The following SUMF1 variants were observed in gnomAD, a reference collection of about 807,000 sequenced individuals.
SUMF1 encodes formylglycine-generating enzyme.
Under a neutral mutation model 47.6 loss-of-function variants are expected in SUMF1, and 48 were observed. That is an observed-to-expected ratio of 1.01 (90% CI 0.80 to 1.28). The LOEUF (loss-of-function observed/expected upper bound fraction) is 1.28, where lower values mean the gene tolerates loss of function less well. Among genes scored for constraint, SUMF1 ranks in the 50% most tolerant of loss-of-function variants. The pLI, the probability that SUMF1 is intolerant of heterozygous loss-of-function variation, is 0.00. For synonymous variants in SUMF1, 230 were observed against 192.1 expected, an observed-to-expected ratio of 1.20 and a Z score of -1.63; for missense variants, 571 against 485.4, an observed-to-expected ratio of 1.18 and a Z score of -1.66.
Position 4,158,248 on chromosome 3 carries a change from T to C in SUMF1, c.1015-89503A>G, listed in dbSNP as rs1047408376. The stretch of plus-strand genomic sequence containing the variant: ...TGGAGATATAAACAAATGTTTTGTA[T>C]AGTTTCCAAAGTTCCTCTTGTTATT... On this transcript the variant is annotated intron_variant and NMD_transcript_variant, in intron 8 of 12. Coordinates refer to the SUMF1 transcript ENST00000448413. 3.3e-5 allele frequency among the ~76,000 whole-genome samples: 5 copies of C among 151,820 alleles called. No homozygotes were observed. The East Asian group carries it at 7.7e-4, about 23-fold the overall frequency.
chr3:4,456,651 T>TAC (rs1491147706), intron 1 of SUMF1, among the ~76,000 whole-genome samples: 2 of 139,104 alleles, frequency 1.4e-5, no homozygotes, highest in Non-Finnish European at 3.0e-5. Context: ...TATATATATA[T>TAC]GTGTGTGTAT....
chr3:4,264,488 T>C (rs1457872674), intron 8 of SUMF1, among the ~76,000 whole-genome samples: 1 of 152,192 alleles, frequency 6.6e-6, no homozygotes, highest in South Asian at 2.1e-4. Context: ...TTTCTGTAAT[T>C]CTCAGCATCA....
chr3:4,457,988 C>A (rs1252386678), intron 1 of SUMF1, among the ~76,000 whole-genome samples: 2 of 152,138 alleles, frequency 1.3e-5, no homozygotes, highest in Non-Finnish European at 2.9e-5. Flanking sequence ...AACCATGCAT[C>A]TTATATGGAG....
At chr3:4,214,132 A>T (rs911092854) in intron 8 of SUMF1, among the ~76,000 whole-genome samples, 2 of 152,190 alleles carry the variant, frequency 1.3e-5, no homozygotes, top group African/African-American at 4.8e-5. Flanking sequence ...CATCACACTT[A>T]TTCTAAAATT....
intron 8 of SUMF1, among the ~76,000 whole-genome samples, chr3:4,288,863 C>T (rs1697687352): frequency 6.6e-6 from 1 of 151,950 alleles, no homozygotes; most frequent in East Asian, 1.9e-4. Context: ...AATTTAATTT[C>T]TGCCCCCAAA....
At chr3:4,058,024 G>A (rs1241861321) in intron 9 of SUMF1, among the ~76,000 whole-genome samples, 1 of 152,110 alleles carries the variant, frequency 6.6e-6, no homozygotes, top group Non-Finnish European at 1.5e-5. Flanking sequence ...CTCTATGCTG[G>A]ACACTGTTGT....
At chr3:4,093,387 G>A (rs1353074046) in intron 8 of SUMF1, among the ~76,000 whole-genome samples, 1 of 152,002 alleles carries the variant, frequency 6.6e-6, no homozygotes, top group African/African-American at 2.4e-5. Context: ...AAGACCAACT[G>A]ACAAATCAAT....
intron 8 of SUMF1, among the ~76,000 whole-genome samples, chr3:4,079,057 T>C (rs1450224477): frequency 2.0e-5 from 3 of 152,138 alleles, no homozygotes; most frequent in Non-Finnish European, 4.4e-5. Context: ...TTGTCATCTG[T>C]ACCTCAGAGC....
intron 8 of SUMF1, among the ~76,000 whole-genome samples, chr3:4,237,032 A>C (rs537584139): frequency 1.3e-5 from 2 of 152,232 alleles, no homozygotes; most frequent in Admixed American, 1.3e-4. Flanking sequence ...ACTTAGAAAT[A>C]TGAGTTTAAG....
intron 8 of SUMF1, among the ~76,000 whole-genome samples, chr3:4,309,717 A>G (rs1410169835): frequency 6.6e-6 from 1 of 152,136 alleles, no homozygotes; most frequent in Non-Finnish European, 1.5e-5. Context: ...CCAGGCAAAC[A>G]CTACAGTTGA....
At chr3:4,260,807 C>T (rs1697069718) in intron 8 of SUMF1, among the ~76,000 whole-genome samples, 2 of 152,084 alleles carry the variant, frequency 1.3e-5, no homozygotes, top group Non-Finnish European at 1.5e-5. Flanking sequence ...ATTAATGCCA[C>T]ACCCAACCCT....
At chr3:4,334,105 G>T (rs1000965138) in intron 8 of SUMF1, among the ~76,000 whole-genome samples, 6 of 151,126 alleles carry the variant, frequency 4.0e-5, no homozygotes, top group Non-Finnish European at 7.4e-5. Flanking sequence ...TCTAACCTGG[G>T]CAACAAAGCA....
At chr3:4,390,986 T>A (rs1700844102) in intron 7 of SUMF1, among the ~76,000 whole-genome samples, 1 of 152,276 alleles carries the variant, frequency 6.6e-6, no homozygotes, top group East Asian at 1.9e-4. Context: ...GAACCAGGAG[T>A]CAAACCTCCT....
chr3:4,435,034 T>G (rs1702351837), intron 3 of SUMF1, among the ~76,000 whole-genome samples: 1 of 152,172 alleles, frequency 6.6e-6, no homozygotes, highest in African/African-American at 2.4e-5. Flanking sequence ...TTCAAGTGAT[T>G]CTTATGTCTC....
chr3:4,456,765 TATATACAC>T (rs1183379068), intron 1 of SUMF1, among the ~76,000 whole-genome samples: 4 of 127,604 alleles, frequency 3.1e-5, no homozygotes, highest in East Asian at 2.6e-4. Flanking sequence ...TGTGTGTGTA[TATATACAC>T]ATATATACGT....
chr3:4,323,607 G>A (rs773473645), intron 8 of SUMF1, among the ~76,000 whole-genome samples: 4 of 152,172 alleles, frequency 2.6e-5, no homozygotes, highest in African/African-American at 4.8e-5. Context: ...AGGAGCAGCA[G>A]AAGAATGAGG....
intron 9 of SUMF1, among the ~76,000 whole-genome samples, chr3:4,036,713 T>C (rs915675399): frequency 6.6e-6 from 1 of 151,840 alleles, no homozygotes; most frequent in Admixed American, 6.6e-5. Flanking sequence ...TGATAATCTA[T>C]TCTGGTGCTG....
intron 8 of SUMF1, among the ~76,000 whole-genome samples, chr3:4,139,482 A>T (rs1242495657): frequency 1.3e-5 from 2 of 151,906 alleles, no homozygotes; most frequent in African/African-American, 4.8e-5. Flanking sequence ...TGTGTGCTGC[A>T]CATCTTTCAT....
intron 8 of SUMF1, among the ~76,000 whole-genome samples, chr3:4,169,331 G>A (rs1166053624): frequency 6.6e-6 from 1 of 152,130 alleles, no homozygotes; most frequent in African/African-American, 2.4e-5. Context: ...AAATTAAGAT[G>A]AGGTCATTAG....
Sources: gnomAD v4.1 joint callset for allele counts (sites outside exome capture counted in the v4.1 genomes callset) on GRCh38, gnomAD v4.1.1 for gene constraint, MANE v1.5 for transcripts, NCBI Gene and HGNC (gene_info 2026-07-23, HGNC 2026-07-21) for gene names.